The following RNF220 variants were observed in gnomAD, a reference collection of about 807,000 sequenced individuals.
The protein encoded by RNF220 is E3 ubiquitin-protein ligase RNF220.
Under a neutral mutation model 67.1 loss-of-function variants are expected in RNF220, and 7 were observed. That is an observed-to-expected ratio of 0.10 (90% CI 0.06 to 0.20). The LOEUF is 0.20. Ranked by LOEUF, RNF220 falls within the 10% of genes least tolerant of loss-of-function variation. The pLI, the probability that RNF220 is intolerant of heterozygous loss-of-function variation, is 1.00. For missense variants in RNF220, 565 were observed against 740.3 expected (o/e 0.76, Z 2.75); for synonymous variants, 270 against 283.2 (o/e 0.95, Z 0.47).
chr1:44,407,977 C>T (rs1305816037), intron 1 of RNF220, among the ~76,000 whole-genome samples: 1 of 152,222 alleles, frequency 6.6e-6, no homozygotes, highest in Non-Finnish European at 1.5e-5. Context: ...TCTTCCTGGA[C>T]TGGCGCTTTG....
At chr1:44,592,359 G>C (rs559411501) in intron 2 of RNF220, among the ~76,000 whole-genome samples, 35 of 152,360 alleles carry the variant, frequency 2.3e-4, no homozygotes, top group Middle Eastern at 3.4e-3. Context: ...TGCCTGGCCA[G>C]GCCTCCCAGC....
At chr1:44,469,895 C>T (rs951732281) in intron 2 of RNF220, among the ~76,000 whole-genome samples, 2 of 152,100 alleles carry the variant, frequency 1.3e-5, no homozygotes, top group Non-Finnish European at 2.9e-5. Flanking sequence ...AAGTATAGTA[C>T]GAGGTGAGGC....
At chr1:44,502,152 C>G (rs1213951637) in intron 2 of RNF220, among the ~76,000 whole-genome samples, 3 of 119,564 alleles carry the variant, frequency 2.5e-5, no homozygotes, top group East Asian at 2.2e-4. Context: ...CTCTCTCTCT[C>G]TCTCTCACAC....
chr1:44,537,879 T>C (rs1233740758), intron 2 of RNF220, among the ~76,000 whole-genome samples: 5 of 152,360 alleles, frequency 3.3e-5, no homozygotes, highest in African/African-American at 1.2e-4. Flanking sequence ...TTCAGAAGTC[T>C]TTTGGCAAAT....
chr1:44,424,747 T>C (rs1649578177), intron 2 of RNF220, among the ~76,000 whole-genome samples: 1 of 152,312 alleles, frequency 6.6e-6, no homozygotes, highest in South Asian at 2.1e-4. Flanking sequence ...TTATTGCTGA[T>C]CAAGTGACTG....
chr1:44,582,936 G>A lies in RNF220; in HGVS notation c.626-31229G>A, dbSNP rs1379045886. ...CAGGAGAATCGCTTGAACCCGGGAG[G>A]TGGAGGTTGCAGTGAGTCGAGATCA... On this transcript the variant is annotated intron_variant, in intron 2 of 14. Transcript: ENST00000361799. Among the ~76,000 whole-genome samples, 7 of 152,068 alleles carry A rather than the reference G, an allele frequency of 4.6e-5. No homozygotes were observed. The East Asian group carries it at 1.3e-3, about 29-fold the overall frequency.
At chr1:44,596,339 A>C (rs1315854973) in intron 2 of RNF220, among the ~76,000 whole-genome samples, 1 of 152,150 alleles carries the variant, frequency 6.6e-6, no homozygotes, top group Non-Finnish European at 1.5e-5. Context: ...AGGCAGGTGG[A>C]TCACCTGAGG....
At chr1:44,569,337 A>G (rs181512254) in intron 2 of RNF220, among the ~76,000 whole-genome samples, 1 of 152,294 alleles carries the variant, frequency 6.6e-6, no homozygotes, top group Admixed American at 6.5e-5. Flanking sequence ...ATAAAGAAAT[A>G]TTTCAGCAGA....
intron 2 of RNF220, among the ~76,000 whole-genome samples, chr1:44,463,501 C>G (rs889788835): frequency 1.6e-4 from 24 of 151,824 alleles, no homozygotes; most frequent in African/African-American, 5.8e-4. Context: ...AATAAATACT[C>G]ACTTTTGAAC....
chr1:44,463,954 G>A (rs538095909), intron 2 of RNF220, among the ~76,000 whole-genome samples: 6 of 152,330 alleles, frequency 3.9e-5, no homozygotes, highest in Middle Eastern at 3.4e-3. Flanking sequence ...TCACATGTGT[G>A]CAGAATTCTA....
chr1:44,411,154 T>C (rs3866647), intron 1 of RNF220, among the ~76,000 whole-genome samples: 2,025 of 152,328 alleles, frequency 0.013, 16 homozygotes, highest in Non-Finnish European at 0.021. Context: ...ACCGATCTGT[T>C]CTTTGCTGCC....
At chr1:44,619,883 TG>T (rs1205821869) in intron 3 of RNF220, among the ~76,000 whole-genome samples, 3 of 152,124 alleles carry the variant, frequency 2.0e-5, no homozygotes, top group Non-Finnish European at 4.4e-5. Flanking sequence ...GGGGGTCCCT[TG>T]CTCAGAGAGA....
intron 2 of RNF220, among the ~76,000 whole-genome samples, chr1:44,555,202 G>T (rs1662973514): frequency 6.6e-6 from 1 of 152,002 alleles, no homozygotes; most frequent in Non-Finnish European, 1.5e-5. Context: ...TGTGTAGTTG[G>T]AACCACAGGC....
intron 2 of RNF220, among the ~76,000 whole-genome samples, chr1:44,469,898 G>A (rs1654650651): frequency 6.6e-6 from 1 of 152,174 alleles, no homozygotes; most frequent in South Asian, 2.1e-4. Flanking sequence ...TATAGTACGA[G>A]GTGAGGCTGC....
At chr1:44,452,369 C>T (rs985278884) in intron 2 of RNF220, among the ~76,000 whole-genome samples, 5 of 151,986 alleles carry the variant, frequency 3.3e-5, no homozygotes, top group East Asian at 2.0e-4. Context: ...GCCAGACCAA[C>T]GTGGTGAAAC....
At chr1:44,557,945 G>A (rs1439213732) in intron 2 of RNF220, among the ~76,000 whole-genome samples, 3 of 152,228 alleles carry the variant, frequency 2.0e-5, no homozygotes, top group African/African-American at 7.2e-5. Flanking sequence ...TCTCCAGGGT[G>A]GGACAGAGTG....
intron 2 of RNF220, among the ~76,000 whole-genome samples, chr1:44,507,218 G>A (rs1658512887): frequency 6.6e-6 from 1 of 152,156 alleles, no homozygotes; most frequent in South Asian, 2.1e-4. Context: ...CCCTTCTTCT[G>A]CTTTGGCCCT....
intron 2 of RNF220, among the ~76,000 whole-genome samples, chr1:44,475,553 T>C (rs1054196392): frequency 2.1e-4 from 27 of 130,146 alleles, no homozygotes; most frequent in African/African-American, 8.4e-4. Flanking sequence ...CTGGCAACAG[T>C]GTGAGACTCG....
intron 2 of RNF220, among the ~76,000 whole-genome samples, chr1:44,502,132 T>C (rs1657969525): frequency 1.0e-5 from 1 of 96,796 alleles, no homozygotes; most frequent in Non-Finnish European, 2.0e-5. Context: ...GTATGATCCT[T>C]TGTCTCTCTC....
Sources: gnomAD v4.1 joint callset for allele counts (sites outside exome capture counted in the v4.1 genomes callset) on GRCh38, gnomAD v4.1.1 for gene constraint, MANE v1.5 for transcripts, NCBI Gene and HGNC (gene_info 2026-07-23, HGNC 2026-07-21) for gene names.